EHMT1: variants seen among roughly 807,000 people sequenced by gnomAD.
EHMT1 encodes histone-lysine N-methyltransferase EHMT1.
Under a neutral mutation model 147.2 loss-of-function variants are expected in EHMT1, and 15 were observed. That is an observed-to-expected ratio of 0.10 (90% CI 0.07 to 0.16). The LOEUF is 0.16. Ranked by LOEUF, EHMT1 falls within the 10% of genes least tolerant of loss-of-function variation. EHMT1 has a pLI of 1.00. For missense variants in EHMT1, 1,587 were observed against 1,772.4 expected, an observed-to-expected ratio of 0.90 and a Z score of 1.88; for synonymous variants, 795 against 709.6, an observed-to-expected ratio of 1.12 and a Z score of -1.91.
chr9:137,625,162 G>T (rs981378881), intron 1 of EHMT1, among the ~76,000 whole-genome samples: 3 of 152,150 alleles, frequency 2.0e-5, no homozygotes, highest in Non-Finnish European at 4.4e-5. Context: ...GATTCCAGGC[G>T]TGGGCCACCT....
intron 4 of EHMT1, 104 bp from the exon 5 acceptor site, chr9:137,743,267 T>A: frequency 6.9e-7 from 1 of 1,445,410 alleles, no homozygotes; most frequent in Middle Eastern, 2.2e-4. Context: ...TTGCTGGTGA[T>A]TTTGGTGATC....
chr9:137,645,641 G>T (rs1305773737), intron 1 of EHMT1, among the ~76,000 whole-genome samples: 1 of 152,176 alleles, frequency 6.6e-6, no homozygotes, highest in Non-Finnish European at 1.5e-5. Flanking sequence ...CATCTCTGCT[G>T]CAGACTGATA....
intron 1 of EHMT1, among the ~76,000 whole-genome samples, chr9:137,628,158 C>G (rs1247650721): frequency 6.6e-6 from 1 of 152,208 alleles, no homozygotes; most frequent in Non-Finnish European, 1.5e-5. Flanking sequence ...GGCATCACCC[C>G]CATTGTCCCC....
chr9:137,779,751 C>T, intron 14 of EHMT1, 34 bp downstream of exon 14: 14 of 1,609,382 alleles, frequency 8.7e-6, no homozygotes, highest in Non-Finnish European at 1.2e-5. Context: ...GCACATGCAG[C>T]CGGCCCTGTG....
chr9:137,639,499 T>TG (rs1396656323), intron 1 of EHMT1, among the ~76,000 whole-genome samples: 9 of 152,204 alleles, frequency 5.9e-5, no homozygotes, highest in Non-Finnish European at 5.9e-5. Context: ...TATGTTATCT[T>TG]GCGTGTGTTT....
chr9:137,711,443 A>G (rs1171561541), intron 2 of EHMT1, among the ~76,000 whole-genome samples: 1 of 152,208 alleles, frequency 6.6e-6, no homozygotes, highest in Non-Finnish European at 1.5e-5. Context: ...CCAGAAGAGC[A>G]CACAGCATGA....
chr9:137,728,239 C>T (rs1349007504), intron 3 of EHMT1, 110 bp from the exon 4 acceptor site: 1 of 1,468,606 alleles, frequency 6.8e-7, no homozygotes, highest in Admixed American at 1.7e-5. Context: ...TGTATCTCAT[C>T]TTTCGGTTGT....
Position 137,728,998 on chromosome 9 carries a change from C to T in EHMT1, c.823+469C>T, listed in dbSNP as rs577975441. ...GGCTGGCTGCTTCTATGGCCAGTTC[C>T]GGGAGTGGATGAACGTTTGATTCCT... On this transcript the variant is annotated intron_variant, in intron 4 of 26. Coordinates refer to ENST00000460843, the MANE Select transcript of EHMT1 (RefSeq NM_024757.5). Among the ~76,000 whole-genome samples, 9 of 152,252 alleles carry T rather than the reference C, an allele frequency of 5.9e-5. No individual in the cohort carries two copies. In the East Asian group the frequency reaches 1.4e-3, roughly 23 times the overall value.
intron 3 of EHMT1, among the ~76,000 whole-genome samples, chr9:137,721,183 C>T (rs1564637680): frequency 6.6e-6 from 1 of 150,888 alleles, no homozygotes; most frequent in African/African-American, 2.4e-5. Flanking sequence ...TCACCCCCTC[C>T]CAGACTTCTC....
chr9:137,724,441 G>GT (rs1946395268), intron 3 of EHMT1, among the ~76,000 whole-genome samples: 1 of 152,194 alleles, frequency 6.6e-6, no homozygotes, highest in Non-Finnish European at 1.5e-5. Context: ...GCTTTGTTAG[G>GT]TAACAAGAGT....
intron 2 of EHMT1, among the ~76,000 whole-genome samples, chr9:137,712,007 G>A (rs886794113): frequency 1.3e-5 from 2 of 152,186 alleles, no homozygotes; most frequent in African/African-American, 2.4e-5. Flanking sequence ...CCCACTGGCT[G>A]TGCACTGTGG....
chr9:137,824,438 G>A (rs1408746020), intron 25 of EHMT1, among the ~76,000 whole-genome samples: 1 of 151,736 alleles, frequency 6.6e-6, no homozygotes, highest in African/African-American at 2.4e-5. Flanking sequence ...GGTAGTGTTA[G>A]GTCCTCATAC....
intron 1 of EHMT1, among the ~76,000 whole-genome samples, chr9:137,636,226 C>A (rs953901899): frequency 6.6e-6 from 1 of 152,106 alleles, no homozygotes; most frequent in African/African-American, 2.4e-5. Context: ...AGCCACATTT[C>A]ATTTTTAGAT....
intron 1 of EHMT1, among the ~76,000 whole-genome samples, chr9:137,656,754 A>T (rs1486226425): frequency 4.7e-5 from 7 of 150,324 alleles, no homozygotes; most frequent in Non-Finnish European, 8.9e-5. Flanking sequence ...TTTTAATTTT[A>T]TTTTTGAGAC....
At chr9:137,626,010 C>G (rs1843230317) in intron 1 of EHMT1, among the ~76,000 whole-genome samples, 1 of 150,476 alleles carries the variant, frequency 6.6e-6, no homozygotes, top group Non-Finnish European at 1.5e-5. Flanking sequence ...CATGCACCAC[C>G]AAGCCTGGCT....
intron 25 of EHMT1, among the ~76,000 whole-genome samples, chr9:137,830,813 C>T (rs905510093): frequency 6.6e-6 from 1 of 152,176 alleles, no homozygotes; most frequent in African/African-American, 2.4e-5. Context: ...AAAATTTTTG[C>T]ATGCTTGGGA....
intron 5 of EHMT1, 45 bp downstream of exon 5, chr9:137,743,573 C>T (rs779852017): frequency 3.7e-6 from 6 of 1,612,956 alleles, no homozygotes; most frequent in Non-Finnish European, 5.1e-6. Context: ...CGTGGAAATG[C>T]GTTTCTGTGT....
At chr9:137,834,284 AC>A in intron 25 of EHMT1, 64 bp from the exon 26 acceptor site, 1 of 1,598,536 alleles carries the variant, frequency 6.3e-7, no homozygotes, top group Non-Finnish European at 8.5e-7. Context: ...GCATGGCCGT[AC>A]CCGGCGAGGC....
At chr9:137,637,444 G>A (rs1408700376) in intron 1 of EHMT1, 1 of 152,160 alleles carries the variant, frequency 6.6e-6, no homozygotes, top group Non-Finnish European at 1.5e-5. Flanking sequence ...CAAAATGCTG[G>A]GATTACAGGT....
Sources: allele counts gnomAD v4.1 joint callset (sites outside exome capture counted in the v4.1 genomes callset), GRCh38; gene constraint gnomAD v4.1.1; transcripts MANE v1.5; gene names NCBI Gene and HGNC (gene_info 2026-07-23, HGNC 2026-07-21).